PITRM1: variants seen among roughly 807,000 people sequenced by gnomAD.
PITRM1 encodes the protein presequence protease, mitochondrial.
In PITRM1, 100 loss-of-function variants were observed where a neutral mutation model predicts 129.9. The ratio of observed to expected loss-of-function variants is 0.77; its 90% CI spans 0.65 to 0.91. The LOEUF (loss-of-function observed/expected upper bound fraction) is 0.91. Among genes scored for constraint, PITRM1 ranks in the 40% least tolerant of loss-of-function variants. PITRM1 has a pLI of 0.00. For synonymous variants in PITRM1, 591 were observed against 508.8 expected (o/e 1.16, Z -2.17); for missense variants, 1,471 against 1,318.3 (o/e 1.12, Z -1.79).
chr10:3,139,447 G>A (rs761205115), intron 24 of PITRM1, among the ~76,000 whole-genome samples: 3 of 152,208 alleles, frequency 2.0e-5, no homozygotes, highest in Non-Finnish European at 4.4e-5. Flanking sequence ...GACACACCCA[G>A]GGTAGTACAG....
chr10:3,142,330 C>T (rs964897060), intron 23 of PITRM1, among the ~76,000 whole-genome samples: 5 of 152,250 alleles, frequency 3.3e-5, no homozygotes, highest in Admixed American at 6.5e-5. Context: ...CTGTGACACA[C>T]GTGCACCTCG....
At chr10:3,164,024 A>T (rs1384216584) in intron 6 of PITRM1, 139 bp from the exon 7 acceptor site, 28 of 74,150 alleles carry the variant, frequency 3.8e-4, no homozygotes, top group Non-Finnish European at 3.9e-4. Context: ...CTAATGGTTT[A>T]AAAAAAAAAA....
chr10:3,141,892 C>T (rs1486558748), intron 23 of PITRM1: 7 of 220,218 alleles, frequency 3.2e-5, no homozygotes, highest in South Asian at 4.9e-5. Context: ...CGCCGTCAGC[C>T]GGGACTAGCG....
At chr10:3,169,190 A>G (rs1003959301) in intron 2 of PITRM1, among the ~76,000 whole-genome samples, 5 of 152,236 alleles carry the variant, frequency 3.3e-5, no homozygotes, top group Admixed American at 6.5e-5. Context: ...AACCTGTACC[A>G]TAAACCCAAG....
Position 3,165,230 on chromosome 10 carries a change from A to C in PITRM1, c.630+8T>G. 6.5e-7 allele frequency: 1 copy of C among 1,541,178 alleles called. No homozygotes were observed. Among genetic ancestry groups the C allele is most frequent in the Non-Finnish European group, 8.7e-7 (1 of 1,144,778 alleles). Reference sequence around the variant, plus strand: ...CTGAACACAACATAAAAAAGGAAGAAAACTTACAAACGCTCCCTTCATCTC... The same window carrying C: ...CTGAACACAACATAAAAAAGGAAGACAACTTACAAACGCTCCCTTCATCTC... On this transcript the variant is annotated splice_region_variant and intron_variant, in intron 6 of 26. Transcript: ENST00000224949.
At chr10:3,155,881 T>C (rs1328834595) in intron 13 of PITRM1, among the ~76,000 whole-genome samples, 152 bp from the exon 14 acceptor site, 1 of 152,188 alleles carries the variant, frequency 6.6e-6, no homozygotes, top group Non-Finnish European at 1.5e-5. Context: ...TCAAGAGTTG[T>C]TTTGCTGATG....
At chr10:3,157,200 G>T in intron 12 of PITRM1, 136 bp from the exon 13 acceptor site, 1 of 881,332 alleles carries the variant, frequency 1.1e-6, no homozygotes. Context: ...CAAAAGTCAT[G>T]TAATTCTTTG....
intron 1 of PITRM1, 105 bp downstream of exon 1, chr10:3,172,612 G>C: frequency 9.3e-7 from 1 of 1,069,742 alleles, no homozygotes; most frequent in Non-Finnish European, 1.3e-6. Context: ...TTGGGGAGCT[G>C]CCAGCCCCGG....
intron 23 of PITRM1, 27 bp downstream of exon 23, chr10:3,143,362 G>C (rs766768113): frequency 1.4e-6 from 2 of 1,407,986 alleles, no homozygotes; most frequent in South Asian, 1.1e-5. Context: ...GCTCAGGCCT[G>C]AGAGGTCCCG....
upstream of PITRM1, chr10:3,172,804 C>T (rs1364631334): frequency 1.5e-5 from 2 of 130,738 alleles, no homozygotes; most frequent in East Asian, 3.5e-4. Flanking sequence ...TGGCGAGGAA[C>T]CCCCTCTTAA....
intron 17 of PITRM1, 25 bp downstream of exon 17, chr10:3,148,146 C>A (rs1564400336): frequency 6.2e-7 from 1 of 1,613,874 alleles, no homozygotes; most frequent in East Asian, 2.2e-5. Context: ...CCCACCGCAG[C>A]AGTCGTCTGA....
chr10:3,163,920 A>T, intron 6 of PITRM1, 35 bp from the exon 7 acceptor site: 1 of 1,448,676 alleles, frequency 6.9e-7, no homozygotes, highest in Non-Finnish European at 9.5e-7. Context: ...ATAAGTATAC[A>T]TGTAAAATAA....
At chr10:3,167,250 G>C (rs1842937087) in intron 2 of PITRM1, among the ~76,000 whole-genome samples, 1 of 147,134 alleles carries the variant, frequency 6.8e-6, no homozygotes, top group African/African-American at 2.5e-5. Flanking sequence ...AAAGGCAGAT[G>C]AGAATATGTG....
rs1684066620 is a variant in PITRM1 at position 3,160,296 on chromosome 10, G to A, written c.826C>T (p.His276Tyr). 2 of 1,612,610 alleles carry A rather than the reference G, an allele frequency of 1.2e-6. No individual in the cohort carries two copies. Among genetic ancestry groups the A allele is most frequent in the Non-Finnish European group, 8.5e-7 (1 of 1,178,632 alleles). ...FTYGNFPLEQ[H>Y]LKQIHEEALS... ...GCTTCCTCGTGAATTTGTTTCAGAT[G>A]CTGTTCTAATGGAAAATTACCGTAC... The change falls in exon 8 of 27, where the codon CAT becomes TAT. Residue 276 changes from histidine (H) to tyrosine (Y), a missense_variant. Physicochemically the swap from His to Tyr is moderately conservative, Grantham distance 83 (BLOSUM62 2). Coordinates refer to ENST00000224949, the MANE Select transcript of PITRM1 (RefSeq NM_014889.4).
At chr10:3,159,987 A>G in intron 8 of PITRM1, 51 bp from the exon 9 acceptor site, 1 of 1,360,872 alleles carries the variant, frequency 7.3e-7, no homozygotes, top group African/African-American at 1.4e-5. Flanking sequence ...ACGGTTGTCA[A>G]CTACTCTAGG....
chr10:3,166,249 G>A lies in PITRM1; in HGVS notation c.398C>T (p.Thr133Met), dbSNP rs754324281. 15 of 1,612,564 alleles carry A rather than the reference G, an allele frequency of 9.3e-6. No homozygotes were observed. Among genetic ancestry groups the A allele is most frequent in the East Asian group, 8.9e-5 (4 of 44,840 alleles). ...FFKMLNRSLSTFMNAFTASDY... is the reference protein window; with the variant it reads ...FFKMLNRSLSMFMNAFTASDY... Reference sequence around the variant, plus strand: ...CTTACCTGTGAAGGCGTTCATGAACGTGGAGAGGGACCGGTTCAACATTTT... The same window carrying A: ...CTTACCTGTGAAGGCGTTCATGAACATGGAGAGGGACCGGTTCAACATTTT... Residue 133 changes from threonine to methionine, a missense_variant, in exon 4 of 27, where the codon ACG becomes ATG. Coordinates refer to ENST00000224949, the MANE Select transcript of PITRM1 (RefSeq NM_014889.4).
At chr10:3,162,922 G>A (rs1842568173) in intron 7 of PITRM1, among the ~76,000 whole-genome samples, 1 of 152,096 alleles carries the variant, frequency 6.6e-6, no homozygotes, top group African/African-American at 2.4e-5. Context: ...TAAGAAATAG[G>A]CAGTTTTAAG....
intron 13 of PITRM1, 31 bp downstream of exon 13, chr10:3,156,899 A>G (rs970913284): frequency 2.1e-6 from 3 of 1,421,794 alleles, no homozygotes; most frequent in South Asian, 2.9e-5. Context: ...CAACTTCAAA[A>G]TTAGAGAAAT....
chr10:3,153,024 C>G lies in PITRM1; in HGVS notation c.1622-1661G>C, dbSNP rs144426109. On this transcript the variant is annotated intron_variant, in intron 14 of 26. Coordinates refer to ENST00000224949, the MANE Select transcript of PITRM1 (RefSeq NM_014889.4). ...CTTTTACTACATAGTTTCCCATTCC[C>G]CTTTTCTGCATTGTTGTTCTCTACA... 3.3e-5 allele frequency among the ~76,000 whole-genome samples: 5 copies of G among 152,382 alleles called. No individual in the cohort carries two copies. In the East Asian group the frequency reaches 9.6e-4, roughly 29 times the overall value.
Sources: gnomAD v4.1 joint callset for allele counts (sites outside exome capture counted in the v4.1 genomes callset) on GRCh38, gnomAD v4.1.1 for gene constraint, MANE v1.5 for transcripts, NCBI Gene and HGNC (gene_info 2026-07-23, HGNC 2026-07-21) for gene names.